TMEM212: variants seen among roughly 807,000 people sequenced by gnomAD.
The protein encoded by TMEM212 is transmembrane protein 212.
Under a neutral mutation model 20.5 loss-of-function variants are expected in TMEM212, and 23 were observed. That is an observed-to-expected ratio of 1.12 (90% CI 0.81 to 1.59). The LOEUF (loss-of-function observed/expected upper bound fraction) is 1.59, where lower values mean the gene tolerates loss of function less well. Among genes scored for constraint, TMEM212 ranks in the 40% most tolerant of loss-of-function variants. The pLI, the probability that TMEM212 is intolerant of heterozygous loss-of-function variation, is 0.00. For missense variants in TMEM212, 211 were observed against 215.0 expected (o/e 0.98, Z 0.12); for synonymous variants, 76 against 81.6 (o/e 0.93, Z 0.37).
intron 4 of TMEM212, among the ~76,000 whole-genome samples, chr3:171,857,510 G>C (rs1219697629): frequency 1.3e-5 from 2 of 152,104 alleles, no homozygotes; most frequent in African/African-American, 4.8e-5. Context: ...GATATGACAT[G>C]AAAAGCACAT....
At chr3:171,847,438 G>C (rs1237223281) in intron 1 of TMEM212, among the ~76,000 whole-genome samples, 1 of 152,232 alleles carries the variant, frequency 6.6e-6, no homozygotes, top group Non-Finnish European at 1.5e-5. Flanking sequence ...GAAGGGGCTT[G>C]ATTACATGAC....
At chr3:171,849,909 G>A (rs1724934395) in intron 1 of TMEM212, among the ~76,000 whole-genome samples, 1 of 152,078 alleles carries the variant, frequency 6.6e-6, no homozygotes, top group Non-Finnish European at 1.5e-5. Context: ...GGCGAGTGCA[G>A]GATGGGGGCC....
At chr3:171,854,290 C>T (rs539000307) in intron 3 of TMEM212, among the ~76,000 whole-genome samples, 2 of 152,140 alleles carry the variant, frequency 1.3e-5, no homozygotes, top group East Asian at 3.9e-4. Context: ...CTAAAGACTC[C>T]ATAAAAACAA....
chr3:171,853,421 T>A, intron 2 of TMEM212, 106 bp from the exon 3 acceptor site: 3 of 892,462 alleles, frequency 3.4e-6, no homozygotes, highest in Non-Finnish European at 3.3e-6. Context: ...CATTTTCCAA[T>A]AGGAGAGATT....
intron 1 of TMEM212, among the ~76,000 whole-genome samples, chr3:171,846,988 T>C (rs747696588): frequency 6.6e-6 from 1 of 152,260 alleles, no homozygotes; most frequent in Non-Finnish European, 1.5e-5. Flanking sequence ...GAGATTTTTG[T>C]ATATGATACA....
At chr3:171,857,070 C>T (rs1725136133) in intron 4 of TMEM212, 1 of 162,664 alleles carries the variant, frequency 6.1e-6, no homozygotes, top group South Asian at 2.0e-4. Flanking sequence ...TGGCAAAAGA[C>T]TGTGAGTGTT....
intron 2 of TMEM212, among the ~76,000 whole-genome samples, chr3:171,852,396 T>G (rs1724998048): frequency 1.3e-5 from 2 of 152,200 alleles, no homozygotes. Flanking sequence ...AGACAGGGTT[T>G]CGCCATGTTG....
At chr3:171,855,450 T>TA (rs1725092351) in intron 3 of TMEM212, among the ~76,000 whole-genome samples, 1 of 152,084 alleles carries the variant, frequency 6.6e-6, no homozygotes, top group African/African-American at 2.4e-5. Context: ...CCATCTCTAC[T>TA]AAAAATACAC....
intron 1 of TMEM212, among the ~76,000 whole-genome samples, chr3:171,845,307 G>A (rs943257957): frequency 6.6e-6 from 1 of 152,088 alleles, no homozygotes; most frequent in African/African-American, 2.4e-5. Context: ...GTATATACAT[G>A]TATAGTAGAT....
In TMEM212 at chr3:171,853,233, G is replaced by C. The variant is rs145046718; in HGVS notation, c.220-294G>C. On this transcript the variant is annotated intron_variant, in intron 2 of 4. Coordinates refer to ENST00000334567, the MANE Select transcript of TMEM212 (RefSeq NM_001164436.2). The stretch of plus-strand genomic sequence containing the variant: ...TGCTGGGCTTAATACCTACGTGATA[G>C]GTTGATCTGTGCAGCAAATCGCTGT... 3.0e-3 allele frequency among the ~76,000 whole-genome samples: 456 copies of C among 152,130 alleles called. 7 individuals carry two copies. Among genetic ancestry groups the C allele is most frequent in the African/African-American group, 0.01 (426 of 41,480 alleles).
intron 1 of TMEM212, among the ~76,000 whole-genome samples, chr3:171,843,967 A>G (rs1431468283): frequency 6.6e-6 from 1 of 152,250 alleles, no homozygotes; most frequent in South Asian, 2.1e-4. Flanking sequence ...ACTAAGATGT[A>G]CATGGCCCCA....
At chr3:171,854,119 C>CA (rs1334022247) in intron 3 of TMEM212, among the ~76,000 whole-genome samples, 5 of 152,064 alleles carry the variant, frequency 3.3e-5, no homozygotes, top group African/African-American at 1.2e-4. Flanking sequence ...TTCATAGGAA[C>CA]AAGACAAGGG....
chr3:171,848,554 T>C (rs550307874), intron 1 of TMEM212, among the ~76,000 whole-genome samples: 62 of 46,760 alleles, frequency 1.3e-3, no homozygotes, highest in African/African-American at 8.9e-3. Flanking sequence ...GTATTTACAA[T>C]AAATGCATAG....
chr3:171,855,460 C>CA (rs1371898456), intron 3 of TMEM212, among the ~76,000 whole-genome samples: 4 of 151,822 alleles, frequency 2.6e-5, no homozygotes, highest in South Asian at 2.1e-4. Flanking sequence ...TAAAAATACA[C>CA]AAAAAAATTA....
intron 1 of TMEM212, among the ~76,000 whole-genome samples, chr3:171,843,993 A>G (rs1201118765): frequency 6.6e-6 from 1 of 152,196 alleles, no homozygotes; most frequent in Non-Finnish European, 1.5e-5. Flanking sequence ...TACAAACCCC[A>G]AATATTTGTT....
chr3:171,851,502 C>T (rs1724975617), intron 1 of TMEM212, among the ~76,000 whole-genome samples: 1 of 152,106 alleles, frequency 6.6e-6, no homozygotes. Flanking sequence ...TATTTGCATC[C>T]CACCAGCAGG....
chr3:171,853,436 G>A, intron 2 of TMEM212, 91 bp from the exon 3 acceptor site: 4 of 1,026,516 alleles, frequency 3.9e-6, no homozygotes, highest in Non-Finnish European at 5.5e-6. Context: ...GAGATTCATA[G>A]CCAGCATCTC....
intron 1 of TMEM212, among the ~76,000 whole-genome samples, chr3:171,847,990 T>C (rs1475435597): frequency 1.3e-5 from 2 of 152,206 alleles, no homozygotes; most frequent in African/African-American, 4.8e-5. Flanking sequence ...CAATGGTCCA[T>C]TTTTCCACTT....
Position 171,858,708 on chromosome 3 carries a change from A to AGCT in TMEM212, c.*651_*652insGCT, listed in dbSNP as rs1725177400. 1.0e-3 allele frequency: 155 copies of AGCT among 151,928 alleles called. No homozygotes were observed. Among genetic ancestry groups the AGCT allele is most frequent in the African/African-American group, 3.5e-3 (145 of 41,182 alleles). The allele number at this position is 151,928 out of a possible 1,614,324, so 9.4% of individuals were successfully genotyped here. On this transcript the variant is annotated 3_prime_UTR_variant, in exon 5 of 5. Coordinates refer to ENST00000334567, the MANE Select transcript of TMEM212 (RefSeq NM_001164436.2). ...AGCTAATATCCAGAATCTACAAAGA[A>AGCT]CTTAAACAAATTTACAAGAAAAAAA...
Sources: allele counts gnomAD v4.1 joint callset (sites outside exome capture counted in the v4.1 genomes callset), GRCh38; gene constraint gnomAD v4.1.1; transcripts MANE v1.5; gene names NCBI Gene and HGNC (gene_info 2026-07-23, HGNC 2026-07-21).